Variants in ETHE1 observed in about 807,000 individuals in gnomAD.
ETHE1 encodes persulfide dioxygenase ETHE1, mitochondrial.
ETHE1 carries 16 observed loss-of-function variants against 25.7 expected under a neutral mutation model. The observed-to-expected ratio is 0.62, with a 90% CI of 0.42 to 0.95. The LOEUF (loss-of-function observed/expected upper bound fraction) is 0.95. Ranked by LOEUF, ETHE1 falls within the 40% of genes least tolerant of loss-of-function variation. ETHE1 has a pLI of 0.00. For missense variants in ETHE1, 300 were observed against 333.6 expected (o/e 0.90, Z 0.79); for synonymous variants, 139 against 135.9 (o/e 1.02, Z -0.16).
At chr19:43,509,370 G>A (rs1394604861) in intron 4 of ETHE1, among the ~76,000 whole-genome samples, 2 of 152,060 alleles carry the variant, frequency 1.3e-5, no homozygotes, top group African/African-American at 4.8e-5. Context: ...GGTGACCCAT[G>A]CCTGTAATCC....
chr19:43,526,062 A>C, intron 3 of ETHE1, 139 bp downstream of exon 3: 3 of 1,298,664 alleles, frequency 2.3e-6, no homozygotes, highest in Non-Finnish European at 3.3e-6. Context: ...TCCCAGAAAT[A>C]TGAGCTCAGG....
At chr19:43,526,702 C>CA (rs767539391) in intron 1 of ETHE1, 43 bp from the exon 2 acceptor site, 1 of 1,612,032 alleles carries the variant, frequency 6.2e-7, no homozygotes, top group Non-Finnish European at 8.5e-7. Context: ...ACCGGACTTC[C>CA]ACCCACTGGA....
intron 3 of ETHE1, among the ~76,000 whole-genome samples, chr19:43,523,175 AT>A (rs1168751779): frequency 3.3e-5 from 5 of 152,298 alleles, no homozygotes; most frequent in Admixed American, 3.3e-4. Context: ...TTCTGGGGTG[AT>A]GGGCAAGTTC....
Position 43,507,977 on chromosome 19 carries a change from C to G in ETHE1, c.679G>C (p.Gly227Arg). 1 of 1,614,116 alleles carries G rather than the reference C, an allele frequency of 6.2e-7. No individual in the cohort carries two copies. Among genetic ancestry groups the G allele is most frequent in the Non-Finnish European group, 8.5e-7 (1 of 1,180,024 alleles). The change falls in exon 6 of 7, where the codon GGC (glycine) becomes CGC (arginine). Residue 227 changes from glycine to arginine, a missense_variant. Gly to Arg is a moderately radical substitution (Grantham distance 125). Transcript: ENST00000292147. Reference protein sequence around the residue: ...LSCEEFVKIMGNLNLPKPQQI... With the variant: ...LSCEEFVKIMRNLNLPKPQQI... Reference sequence around the variant, plus strand: ...TGAGGTTTAGGCAAGTTCAGGTTGCCCATGATTTTGACAAACTCCTCACAG... The same window carrying G: ...TGAGGTTTAGGCAAGTTCAGGTTGCGCATGATTTTGACAAACTCCTCACAG...
In ETHE1 at chr19:43,512,525, A is replaced by G. The variant is rs556166853; in HGVS notation, c.376-959T>C. Reference sequence around the variant, plus strand: ...CTGTGGAACTTTGAACTTGAGAGAGATGACTTAGGGTACCTAGTAGAAGAA... The same window carrying G: ...CTGTGGAACTTTGAACTTGAGAGAGGTGACTTAGGGTACCTAGTAGAAGAA... On this transcript the variant is annotated intron_variant, in intron 3 of 6. Coordinates refer to ENST00000292147, the MANE Select transcript of ETHE1 (RefSeq NM_014297.5). Among the ~76,000 whole-genome samples, 3 of 152,266 alleles carry G rather than the reference A, an allele frequency of 2.0e-5. No individual in the cohort carries two copies. In the South Asian group the frequency reaches 6.2e-4, roughly 32 times the overall value.
chr19:43,518,075 T>A (rs1210359237), intron 3 of ETHE1, among the ~76,000 whole-genome samples: 3 of 148,808 alleles, frequency 2.0e-5, no homozygotes, highest in Admixed American at 6.7e-5. Flanking sequence ...CCAAAAAGAT[T>A]TTTGATAAAT....
chr19:43,525,537 C>A (rs978315390), intron 3 of ETHE1: 15 of 153,152 alleles, frequency 9.8e-5, no homozygotes, highest in African/African-American at 3.4e-4. Context: ...CCTGGCCCTC[C>A]CTCCTTCGGC....
chr19:43,517,859 A>G lies in ETHE1; in HGVS notation c.376-6293T>C, dbSNP rs964409061. ...CAGCTACTGGGGAGGCTGAGGCAGT[A>G]GAATTGCTTGAACTTGGGAGGCAGA... On this transcript the variant is annotated intron_variant, in intron 3 of 6. Coordinates refer to ENST00000292147, the MANE Select transcript of ETHE1 (RefSeq NM_014297.5). Among the ~76,000 whole-genome samples, 5 of 152,038 alleles carry G rather than the reference A, an allele frequency of 3.3e-5. No individual in the cohort carries two copies. The East Asian group carries it at 9.7e-4, about 29-fold the overall frequency.
intron 3 of ETHE1, among the ~76,000 whole-genome samples, chr19:43,516,348 G>T (rs1292388849): frequency 1.3e-5 from 2 of 151,810 alleles, no homozygotes; most frequent in Non-Finnish European, 2.9e-5. Context: ...CACCCAGGCT[G>T]GAGTGCAGTG....
chr19:43,522,047 A>G (rs1972147817), intron 3 of ETHE1, among the ~76,000 whole-genome samples: 1 of 152,054 alleles, frequency 6.6e-6, no homozygotes, highest in Admixed American at 6.6e-5. Context: ...TGGCCAGTGG[A>G]CCAAATTTGG....
At chr19:43,520,697 C>T (rs1972122046) in intron 3 of ETHE1, among the ~76,000 whole-genome samples, 1 of 148,140 alleles carries the variant, frequency 6.8e-6, no homozygotes, top group South Asian at 2.1e-4. Flanking sequence ...GAGACCCTGT[C>T]TCAAAAAAAA....
chr19:43,511,578 G>T lies in ETHE1; in HGVS notation c.376-12C>A, dbSNP rs781192460. On this transcript the variant is annotated splice_polypyrimidine_tract_variant and intron_variant, in intron 3 of 6. Coordinates refer to ENST00000292147, the MANE Select transcript of ETHE1 (RefSeq NM_014297.5). ...CTGGTCTCCAACGCCTGGCAGGGGT[G>T]GAAGAGTACAGAGATAGTCACCAAG... 5 of 1,611,874 alleles carry T rather than the reference G, an allele frequency of 3.1e-6. No individual in the cohort carries two copies. In the Admixed American group the frequency reaches 6.7e-5, roughly 21 times the overall value.
In ETHE1 at chr19:43,527,178, C is replaced by T. The variant is rs1031171096; in HGVS notation, c.-1G>A. On this transcript the variant is annotated 5_prime_UTR_variant, in exon 1 of 7. Transcript: ENST00000292147. Reference sequence around the variant, plus strand: ...CGACCCTCAGTACAGCCTCCGCCATCGCGCCCACTGCGGGGTCAGGAATGA... The same window carrying T: ...CGACCCTCAGTACAGCCTCCGCCATTGCGCCCACTGCGGGGTCAGGAATGA... 1.0e-5 allele frequency: 16 copies of T among 1,537,584 alleles called. No individual in the cohort carries two copies. Among genetic ancestry groups the T allele is most frequent in the African/African-American group, 2.7e-5 (2 of 73,010 alleles).
Position 43,508,879 on chromosome 19 carries a change from A to C in ETHE1, c.506-15T>G. 6.3e-7 allele frequency: 1 copy of C among 1,590,116 alleles called. No individual in the cohort carries two copies. Among genetic ancestry groups the C allele is most frequent in the Non-Finnish European group, 8.6e-7 (1 of 1,165,724 alleles). On this transcript the variant is annotated splice_polypyrimidine_tract_variant and intron_variant, in intron 4 of 6. Transcript: ENST00000292147. ...CTTGGCACAGCCTGGGGAAGGAAAGATCAGAGGTCAGTGGATCAACAGGAC... is the reference window on the plus strand; with the variant it reads ...CTTGGCACAGCCTGGGGAAGGAAAGCTCAGAGGTCAGTGGATCAACAGGAC...
rs533076307 is a variant in ETHE1, at chr19:43,511,453, C to T, written c.489G>A (p.Arg163=). 8.9e-5 allele frequency: 143 copies of T among 1,614,184 alleles called. 1 individual carries two copies. In the South Asian group the frequency reaches 1.5e-3, roughly 16 times the overall value. ...GDALLIRGCG[R]TDFQQGCAKT... is the part of the protein sequence containing the mutation. ...GCTGGTCACCTTGCTGGAAGTCTGTCCGCCCACACCCACGGATCAACAGGG... is the reference window on the plus strand; with the variant it reads ...GCTGGTCACCTTGCTGGAAGTCTGTTCGCCCACACCCACGGATCAACAGGG... Residue 163 remains arginine, a synonymous_variant, in exon 4 of 7, where the codon CGG becomes CGA. Transcript: ENST00000292147.
chr19:43,520,839 A>T (rs911249406), intron 3 of ETHE1, among the ~76,000 whole-genome samples: 5 of 152,162 alleles, frequency 3.3e-5, no homozygotes, highest in African/African-American at 1.2e-4. Flanking sequence ...ATAAGAATCA[A>T]TGGTGGAGCT....
At chr19:43,522,068 G>GTT (rs1390939549) in intron 3 of ETHE1, among the ~76,000 whole-genome samples, 1 of 152,094 alleles carries the variant, frequency 6.6e-6, no homozygotes, top group East Asian at 1.9e-4. Context: ...CCTGCCATCA[G>GTT]TTTTTGTAAG....
At chr19:43,524,166 GCACT>G in intron 3 of ETHE1, among the ~76,000 whole-genome samples, 1 of 152,050 alleles carries the variant, frequency 6.6e-6, no homozygotes, top group East Asian at 1.9e-4. Flanking sequence ...TAGCGCCATT[GCACT>G]CCAGCCTGCG....
intron 6 of ETHE1, 96 bp from the exon 7 acceptor site, chr19:43,506,998 G>A: frequency 1.2e-5 from 16 of 1,351,084 alleles, no homozygotes; most frequent in Non-Finnish European, 1.7e-5. Context: ...TCCTCTTCAG[G>A]AAACTAGAGT....
Sources: allele counts gnomAD v4.1 joint callset (sites outside exome capture counted in the v4.1 genomes callset), GRCh38; gene constraint gnomAD v4.1.1; transcripts MANE v1.5; gene names NCBI Gene and HGNC (gene_info 2026-07-23, HGNC 2026-07-21).